Variants in SIN3A observed in about 807,000 individuals in gnomAD.
SIN3A encodes the protein paired amphipathic helix protein Sin3a.
SIN3A carries 14 observed loss-of-function variants against 146.1 expected under a neutral mutation model. The observed-to-expected ratio is 0.10, with a 90% confidence interval of 0.06 to 0.15. SIN3A has a LOEUF of 0.15. Among genes scored for constraint, SIN3A ranks in the 10% least tolerant of loss-of-function variants. SIN3A has a pLI of 1.00. For synonymous variants in SIN3A, 572 were observed against 572.0 expected (o/e 1.00, Z 0.00); for missense variants, 1,028 against 1,576.0 (o/e 0.65, Z 5.89).
chr15:75,379,914 TA>T (rs2072933500), intron 19 of SIN3A, among the ~76,000 whole-genome samples: 2 of 152,250 alleles, frequency 1.3e-5, no homozygotes, highest in Admixed American at 6.5e-5. Context: ...AGCCTGCTTA[TA>T]AAAGTTGGCC....
intron 1 of SIN3A, among the ~76,000 whole-genome samples, chr15:75,448,950 T>G (rs1444280078): frequency 6.6e-6 from 1 of 152,252 alleles, no homozygotes; most frequent in Non-Finnish European, 1.5e-5. Flanking sequence ...CTTTCTAAGC[T>G]ATTTATCTCT....
intron 11 of SIN3A, 70 bp downstream of exon 11, chr15:75,400,660 C>T: frequency 1.9e-6 from 2 of 1,079,022 alleles, no homozygotes; most frequent in East Asian, 2.4e-5. Flanking sequence ...ATTCTCAATC[C>T]TTGGTACCAC....
At chr15:75,410,023 C>T (rs1567364700) in intron 7 of SIN3A, 32 bp from the exon 8 acceptor site, 3 of 1,610,264 alleles carry the variant, frequency 1.9e-6, no homozygotes, top group Non-Finnish European at 2.5e-6. Context: ...GATTAATGCT[C>T]TTATCAAAGC....
At chr15:75,429,823 G>T (rs927861740) in intron 2 of SIN3A, among the ~76,000 whole-genome samples, 2 of 152,146 alleles carry the variant, frequency 1.3e-5, no homozygotes, top group African/African-American at 4.8e-5. Flanking sequence ...TTAAAACAAA[G>T]TGAGTCAAAG....
chr15:75,439,442 G>C (rs2074161956), intron 1 of SIN3A, among the ~76,000 whole-genome samples: 2 of 151,888 alleles, frequency 1.3e-5, no homozygotes, highest in African/African-American at 4.8e-5. Context: ...CCAGGTTCAT[G>C]CCATTCTTCG....
intron 20 of SIN3A, among the ~76,000 whole-genome samples, chr15:75,373,754 T>TAA (rs1011963776): frequency 3.8e-5 from 5 of 132,336 alleles, no homozygotes; most frequent in Non-Finnish European, 4.9e-5. Flanking sequence ...CTATTTTCAT[T>TAA]AAAAAAAAAA....
chr15:75,417,522 G>T (rs12148352), intron 3 of SIN3A, among the ~76,000 whole-genome samples: 2 of 151,734 alleles, frequency 1.3e-5, no homozygotes, highest in African/African-American at 4.8e-5. Flanking sequence ...GATTCCAGGC[G>T]CATGTCACCA....
At chr15:75,421,491 T>C (rs1454263153) in intron 3 of SIN3A, 1 of 152,204 alleles carries the variant, frequency 6.6e-6, no homozygotes, top group Non-Finnish European at 1.5e-5. Context: ...ATAATATTTA[T>C]GTAGCATTTA....
At chr15:75,406,537 A>G (rs1257494283) in intron 9 of SIN3A, among the ~76,000 whole-genome samples, 1 of 152,176 alleles carries the variant, frequency 6.6e-6, no homozygotes, top group Non-Finnish European at 1.5e-5. Flanking sequence ...AATACAAAAA[A>G]TTAGCCGGGC....
chr15:75,374,761 CAGGCT>C (rs2072821096), intron 20 of SIN3A, among the ~76,000 whole-genome samples: 1 of 152,206 alleles, frequency 6.6e-6, no homozygotes, highest in African/African-American at 2.4e-5. Flanking sequence ...TACTCTTCAC[CAGGCT>C]AATTCCTTGT....
At chr15:75,409,140 G>A (rs1015599104) in intron 8 of SIN3A, among the ~76,000 whole-genome samples, 45 of 152,036 alleles carry the variant, frequency 3.0e-4, no homozygotes, top group Non-Finnish European at 4.4e-4. Flanking sequence ...GGAGGCAGAG[G>A]TTGTAGTGAG....
At position 75,409,997 on chromosome 15, in the gene SIN3A, T is replaced by G. The variant is rs2073600438; in HGVS notation, c.1162-6A>C. The G allele has an allele frequency of 6.2e-7, 1 of 1,613,932 alleles. No homozygotes were observed. The highest frequency in any genetic ancestry group is 1.1e-5 in the South Asian group (1 of 91,080). ...GCAGTTGTTTTGCTTAAAAGCTGATTAAGACACATGAATGAGATTAATGCT... is the reference window on the plus strand; with the variant it reads ...GCAGTTGTTTTGCTTAAAAGCTGATGAAGACACATGAATGAGATTAATGCT... On this transcript the variant is annotated splice_polypyrimidine_tract_variant and splice_region_variant and intron_variant, in intron 7 of 20. Transcript: ENST00000394947.
chr15:75,391,215 A>G (rs2141420745), intron 15 of SIN3A, among the ~76,000 whole-genome samples: 1 of 152,332 alleles, frequency 6.6e-6, no homozygotes, highest in African/African-American at 2.4e-5. Context: ...TCCAAACCAC[A>G]GATTTGTCCA....
chr15:75,437,122 C>A (rs779945925), intron 1 of SIN3A, among the ~76,000 whole-genome samples: 144 of 152,044 alleles, frequency 9.5e-4, no homozygotes, highest in Non-Finnish European at 1.4e-3. Context: ...TGTATGACTG[C>A]TATCAGCTGA....
At chr15:75,453,911 C>T (rs555037329), upstream of SIN3A, 1 of 152,376 alleles carries the variant, frequency 6.6e-6, no homozygotes, top group African/African-American at 2.4e-5. Context: ...GGCTTCTCGG[C>T]TCTCCCCGCC....
chr15:75,452,438 A>C (rs1378861352), upstream of SIN3A, among the ~76,000 whole-genome samples: 1 of 152,154 alleles, frequency 6.6e-6, no homozygotes, highest in Non-Finnish European at 1.5e-5. Flanking sequence ...CTCCCTCACA[A>C]AAAAAATGAG....
chr15:75,385,041 C>A (rs1354778150), intron 16 of SIN3A, among the ~76,000 whole-genome samples: 1 of 152,122 alleles, frequency 6.6e-6, no homozygotes, highest in Non-Finnish European at 1.5e-5. Flanking sequence ...GGCGTGGTGG[C>A]AGGAGCCTGT....
chr15:75,418,807 T>G lies in SIN3A; in HGVS notation c.366+3840A>C, dbSNP rs140676521. On this transcript the variant is annotated intron_variant, in intron 3 of 20. Coordinates refer to ENST00000394947, the MANE Select transcript of SIN3A (RefSeq NM_001145358.2). ...TCTCGCTCTATCGCCCAGGCTGGAG[T>G]GCAGTGGCGCTTTCCCGGCTCACCG... 9.0e-3 allele frequency among the ~76,000 whole-genome samples: 1,366 copies of G among 152,246 alleles called. 17 individuals carry two copies. The highest frequency in any genetic ancestry group is 0.031 in the African/African-American group (1,273 of 41,542).
At position 75,429,873 on chromosome 15, in the gene SIN3A, G is replaced by A. The variant is rs577234106; in HGVS notation, c.189+314C>T. Among the ~76,000 whole-genome samples the A allele has an allele frequency of 3.3e-4, 50 of 152,144 alleles. No individual in the cohort carries two copies. The South Asian group carries it at 8.3e-3, about 25-fold the overall frequency. ...ATTTATATAAAAGTTCAAAAATACC[G>A]AAACTAAACAATTATGTTAGTTTTT... On this transcript the variant is annotated intron_variant, in intron 2 of 20. Transcript: ENST00000394947.
Sources: gnomAD v4.1 joint callset for allele counts (sites outside exome capture counted in the v4.1 genomes callset) on GRCh38, gnomAD v4.1.1 for gene constraint, MANE v1.5 for transcripts, NCBI Gene and HGNC (gene_info 2026-07-23, HGNC 2026-07-21) for gene names.